RAPGEF1: variants seen among roughly 807,000 people sequenced by gnomAD.
RAPGEF1 encodes the protein CRK SH3-binding GNRP.
Under a neutral mutation model 143.3 loss-of-function variants are expected in RAPGEF1, and 33 were observed. That is an observed-to-expected ratio of 0.23 (90% CI 0.17 to 0.31). The LOEUF (loss-of-function observed/expected upper bound fraction) is 0.31, where lower values mean the gene tolerates loss of function less well. Among genes scored for constraint, RAPGEF1 ranks in the 10% least tolerant of loss-of-function variants. The pLI, the probability that RAPGEF1 is intolerant of heterozygous loss-of-function variation, is 1.00. For synonymous variants in RAPGEF1, 629 were observed against 676.5 expected (o/e 0.93, Z 1.09); for missense variants, 1,199 against 1,645.4 (o/e 0.73, Z 4.69).
At chr9:131,699,345 A>C (rs2131099430) in intron 1 of RAPGEF1, among the ~76,000 whole-genome samples, 1 of 151,412 alleles carries the variant, frequency 6.6e-6, no homozygotes, top group Non-Finnish European at 1.5e-5. Context: ...CCCAGGTTCA[A>C]GTGATTCTCC....
Position 131,598,258 on chromosome 9 carries a change from C to T in RAPGEF1, c.2554G>A (p.Asp852Asn), listed in dbSNP as rs368125666. 1.2e-4 allele frequency: 200 copies of T among 1,613,918 alleles called. No individual in the cohort carries two copies. Among genetic ancestry groups the T allele is most frequent in the Middle Eastern group, 3.3e-4 (2 of 6,084 alleles). ...TTGTGGTCAATGAGGGACAGCTCGT[C>T]CACTTCCTCCTCCGACTGAGCCGAC... ...LESAQSEEEV[D>N]ELSLIDHNEI... Residue 852 changes from aspartate (D) to asparagine (N), a missense_variant, in exon 16 of 27, where the codon GAC becomes AAC. Asp to Asn is a conservative substitution (Grantham distance 23, BLOSUM62 1). This residue lies in a region of RAPGEF1 where 293 missense variants were observed against 356.2 expected (regional missense o/e 0.82). Coordinates refer to ENST00000683357, the MANE Select transcript of RAPGEF1 (RefSeq NM_001377935.1).
At chr9:131,613,821 A>G (rs746754) in intron 12 of RAPGEF1, among the ~76,000 whole-genome samples, 50,324 of 152,012 alleles carry the variant, frequency 0.33, 8,727 homozygotes, top group Middle Eastern at 0.45. Flanking sequence ...CTCTGCCCCT[A>G]AGGGTATGGA....
At chr9:131,713,780 A>C (rs6597524) in intron 1 of RAPGEF1, among the ~76,000 whole-genome samples, 71,989 of 151,784 alleles carry the variant, frequency 0.47, 17,283 homozygotes, top group East Asian at 0.62. Context: ...CAGAGCGAGA[A>C]CCCATCTCTA....
At chr9:131,722,627 G>A (rs1220375195) in intron 1 of RAPGEF1, among the ~76,000 whole-genome samples, 1 of 152,242 alleles carries the variant, frequency 6.6e-6, no homozygotes, top group Non-Finnish European at 1.5e-5. Flanking sequence ...CCAGGGGACA[G>A]CAGGGGCCCA....
chr9:131,632,937 G>T (rs1308816199), intron 5 of RAPGEF1, among the ~76,000 whole-genome samples: 2 of 151,772 alleles, frequency 1.3e-5, no homozygotes, highest in African/African-American at 4.8e-5. Context: ...CAAACTCTTG[G>T]GCTCAAGTGA....
chr9:131,590,232 A>G (rs1588234269), intron 18 of RAPGEF1, among the ~76,000 whole-genome samples: 1 of 152,104 alleles, frequency 6.6e-6, no homozygotes, highest in Non-Finnish European at 1.5e-5. Context: ...TCTCCGCTGC[A>G]CTGTCCAGAC....
At chr9:131,646,299 C>CT (rs1373477875) in intron 3 of RAPGEF1, among the ~76,000 whole-genome samples, 1 of 152,162 alleles carries the variant, frequency 6.6e-6, no homozygotes, top group African/African-American at 2.4e-5. Flanking sequence ...CTTGGTCTGT[C>CT]TGAGTTCAGA....
intron 4 of RAPGEF1, 110 bp downstream of exon 4, chr9:131,643,129 G>T: frequency 8.0e-7 from 1 of 1,245,598 alleles, no homozygotes; most frequent in Non-Finnish European, 1.1e-6. Flanking sequence ...GGGTGATGGA[G>T]TCCTTTTCCT....
intron 1 of RAPGEF1, among the ~76,000 whole-genome samples, chr9:131,685,191 T>C (rs1435434516): frequency 2.6e-5 from 4 of 152,220 alleles, no homozygotes; most frequent in Non-Finnish European, 4.4e-5. Context: ...TTTTAATCTG[T>C]GTTGTCTTTG....
In RAPGEF1 at chr9:131,651,094, T is replaced by G. The variant is rs963971505; in HGVS notation, c.62-145A>C. Reference sequence around the variant, plus strand: ...TCAAGGGAAAGGACGTATGGATCCATTACAAAACATTTCTGCTTACATGCT... The same window carrying G: ...TCAAGGGAAAGGACGTATGGATCCAGTACAAAACATTTCTGCTTACATGCT... On this transcript the variant is annotated intron_variant, in intron 1 of 26. Coordinates refer to ENST00000683357, the MANE Select transcript of RAPGEF1 (RefSeq NM_001377935.1). 3.8e-6 allele frequency: 4 copies of G among 1,040,854 alleles called. No individual in the cohort carries two copies. The Admixed American group carries it at 1.3e-4, about 35-fold the overall frequency. The allele number at this position is 1,040,854 out of a possible 1,614,324, so 64.5% of individuals were successfully genotyped here.
Position 131,739,965 on chromosome 9 carries a change from C to T in RAPGEF1, c.-135G>A, listed in dbSNP as rs1252838030. 5.8e-6 allele frequency: 2 copies of T among 342,130 alleles called. No homozygotes were observed. The highest frequency in any genetic ancestry group is 3.4e-4 in the East Asian group (2 of 5,848). 21.2% of individuals were successfully genotyped at this position (342,130 alleles called of 1,614,324 possible). ...GCCGCGGCCCTGCGCTCGGCGACCG[C>T]GCTCCAGCCCGCCCGGGCCCAGCCG... On this transcript the variant is annotated 5_prime_UTR_variant, in exon 1 of 27. Transcript: ENST00000683357.
chr9:131,690,960 T>C (rs1207734335), intron 1 of RAPGEF1, among the ~76,000 whole-genome samples: 2 of 152,196 alleles, frequency 1.3e-5, no homozygotes, highest in African/African-American at 2.4e-5. Context: ...TAATGAGAAA[T>C]AGTGAAAGGT....
intron 1 of RAPGEF1, among the ~76,000 whole-genome samples, chr9:131,725,698 T>C (rs561931093): frequency 8.5e-5 from 13 of 152,136 alleles, no homozygotes; most frequent in African/African-American, 1.4e-4. Flanking sequence ...TATTAGCCAT[T>C]TGTATATCTC....
intron 1 of RAPGEF1, among the ~76,000 whole-genome samples, chr9:131,651,339 TCATTCTTTAAGA>T (rs575944286): frequency 3.0e-4 from 46 of 152,338 alleles, no homozygotes; most frequent in African/African-American, 9.9e-4. Flanking sequence ...ATCAACCTCT[TCATTCTTTAAGA>T]AACTGCAACA....
Position 131,584,681 on chromosome 9 carries a change from G to T in RAPGEF1, c.3234-85C>A. On this transcript the variant is annotated intron_variant, in intron 22 of 26. Transcript: ENST00000683357. The surrounding 1 kb of genome is among the most constrained non-coding windows in gnomAD (Gnocchi z 6.8). ...GTCCTGGTGGAGACAGGACCTGTACGACCCCCATGCCAGTGGCCACGAGCC... is the reference window on the plus strand; with the variant it reads ...GTCCTGGTGGAGACAGGACCTGTACTACCCCCATGCCAGTGGCCACGAGCC... The T allele has an allele frequency of 7.2e-7, 1 of 1,386,960 alleles. No homozygotes were observed. The highest frequency in any genetic ancestry group is 1.0e-6 in the Non-Finnish European group (1 of 979,128). The allele number at this position is 1,386,960 out of a possible 1,614,324, so 85.9% of individuals were successfully genotyped here. A position where few individuals can be genotyped will look rare whatever the true frequency, so the allele number is the denominator to read the frequency against.
chr9:131,737,503 T>C, intron 1 of RAPGEF1: 1 of 1,613,226 alleles, frequency 6.2e-7, no homozygotes, highest in Non-Finnish European at 8.5e-7. Flanking sequence ...CACTTTCATC[T>C]ACAACCCCCT....
intron 4 of RAPGEF1, among the ~76,000 whole-genome samples, chr9:131,640,588 T>A (rs891397713): frequency 7.0e-6 from 1 of 143,588 alleles, no homozygotes; most frequent in Non-Finnish European, 1.6e-5. Context: ...GCCCTCCGCA[T>A]GTGACGAGTG....
At chr9:131,680,259 G>GA (rs1191654503) in intron 1 of RAPGEF1, among the ~76,000 whole-genome samples, 1 of 152,150 alleles carries the variant, frequency 6.6e-6, no homozygotes, top group Non-Finnish European at 1.5e-5. Flanking sequence ...TTTTTCTACT[G>GA]AATCACGACA....
intron 1 of RAPGEF1, among the ~76,000 whole-genome samples, chr9:131,714,098 C>T (rs867525226): frequency 6.6e-5 from 10 of 151,874 alleles, no homozygotes; most frequent in African/African-American, 1.5e-4. Flanking sequence ...GCCCAGGTGG[C>T]CTCAAACTCC....
Sources: gnomAD v4.1 joint callset for allele counts (sites outside exome capture counted in the v4.1 genomes callset) on GRCh38, gnomAD v4.1.1 for gene constraint, gnomAD v4.1.1 regional missense constraint, Gnocchi (gnomAD v3.1) non-coding constraint, MANE v1.5 for transcripts, NCBI Gene and HGNC (gene_info 2026-07-23, HGNC 2026-07-21) for gene names.